Variants in SSH2 observed in about 807,000 individuals in gnomAD.
The protein encoded by SSH2 is slingshot protein phosphatase 2, also known as protein phosphatase Slingshot homolog 2.
In SSH2, 37 loss-of-function variants were observed where a neutral mutation model predicts 135.2. That is an observed-to-expected ratio of 0.27 (90% CI 0.21 to 0.36). SSH2 has a LOEUF of 0.36. Among genes scored for constraint, SSH2 ranks in the 10% least tolerant of loss-of-function variants. The pLI, the probability that SSH2 is intolerant of heterozygous loss-of-function variation, is 1.00. For missense variants in SSH2, 1,408 were observed against 1,765.3 expected (o/e 0.80, Z 3.63); for synonymous variants, 628 against 646.2 (o/e 0.97, Z 0.43).
intron 1 of SSH2, among the ~76,000 whole-genome samples, chr17:29,867,211 C>T (rs1235175129): frequency 6.6e-6 from 1 of 152,202 alleles, no homozygotes; most frequent in Admixed American, 6.5e-5. Flanking sequence ...CAAGGAGATA[C>T]TGCAAGGTTA....
intron 3 of SSH2, among the ~76,000 whole-genome samples, chr17:29,714,940 C>T (rs1474958129): frequency 1.3e-5 from 2 of 152,114 alleles, no homozygotes; most frequent in African/African-American, 2.4e-5. Flanking sequence ...AATCTCGGCT[C>T]ACTGCAACCT....
At chr17:29,652,721 C>T (rs144374470) in intron 12 of SSH2, among the ~76,000 whole-genome samples, 15 of 152,240 alleles carry the variant, frequency 9.9e-5, no homozygotes, top group East Asian at 1.9e-4. Flanking sequence ...TGCAATGGCA[C>T]GATCTTGGCT....
chr17:29,685,852 C>G (rs1267915403), intron 5 of SSH2, among the ~76,000 whole-genome samples: 1 of 139,954 alleles, frequency 7.1e-6, no homozygotes. Flanking sequence ...TTTTCTTTTT[C>G]TTTTTTTTTT....
chr17:29,899,318 A>C (rs912135979), intron 1 of SSH2, among the ~76,000 whole-genome samples: 1 of 152,162 alleles, frequency 6.6e-6, no homozygotes, highest in Non-Finnish European at 1.5e-5. Flanking sequence ...GTATTCAATT[A>C]GGAAAAGAGG....
intron 2 of SSH2, among the ~76,000 whole-genome samples, chr17:29,799,345 G>T (rs989065880): frequency 9.9e-5 from 15 of 152,164 alleles, no homozygotes; most frequent in African/African-American, 3.4e-4. Context: ...AACTTTACAA[G>T]ATAGTACCAA....
chr17:29,793,574 T>C (rs1230041989), intron 3 of SSH2: 1 of 196,896 alleles, frequency 5.1e-6, no homozygotes, highest in Non-Finnish European at 1.0e-5. Flanking sequence ...TTTAAACCAA[T>C]GTACCATTGA....
At chr17:29,848,988 G>C (rs1031502409) in intron 1 of SSH2, 59 bp from the exon 2 acceptor site, 8 of 1,164,210 alleles carry the variant, frequency 6.9e-6, no homozygotes, top group East Asian at 5.2e-5. Context: ...AAGCACGAGG[G>C]GAAAAGCAAG....
chr17:29,667,572 A>G (rs2037331569), intron 9 of SSH2, among the ~76,000 whole-genome samples: 1 of 152,180 alleles, frequency 6.6e-6, no homozygotes, highest in Non-Finnish European at 1.5e-5. Context: ...GAAGCTAACT[A>G]ACGCCTGATG....
chr17:29,785,490 CA>C (rs1279536548), intron 3 of SSH2, among the ~76,000 whole-genome samples: 26 of 114,834 alleles, frequency 2.3e-4, no homozygotes, highest in African/African-American at 6.2e-4. Flanking sequence ...ATTGGCGTTT[CA>C]TTTTTTTTTT....
chr17:29,818,098 A>G, intron 2 of SSH2, among the ~76,000 whole-genome samples: 1 of 152,100 alleles, frequency 6.6e-6, no homozygotes, highest in Non-Finnish European at 1.5e-5. Context: ...TCTCAAGATT[A>G]CTTATAATAC....
intron 2 of SSH2, among the ~76,000 whole-genome samples, chr17:29,835,287 A>G (rs977819706): frequency 2.0e-5 from 3 of 152,256 alleles, no homozygotes; most frequent in African/African-American, 7.2e-5. Flanking sequence ...AGGGCATTTC[A>G]GAAGAACTCT....
chr17:29,857,033 C>T (rs2065675374), intron 1 of SSH2, among the ~76,000 whole-genome samples: 1 of 151,886 alleles, frequency 6.6e-6, no homozygotes. Flanking sequence ...ACCCCTGGCC[C>T]CTCCCAAATC....
chr17:29,657,682 T>G (rs1446392069), intron 11 of SSH2, among the ~76,000 whole-genome samples: 1 of 144,642 alleles, frequency 6.9e-6, no homozygotes, highest in South Asian at 2.4e-4. Context: ...ACCATCCTCC[T>G]GCCTCAGCCT....
chr17:29,713,964 G>C (rs2039529222), intron 3 of SSH2, among the ~76,000 whole-genome samples: 1 of 152,172 alleles, frequency 6.6e-6, no homozygotes, highest in South Asian at 2.1e-4. Context: ...ACTGACAGTG[G>C]TGGAGAGTTT....
intron 2 of SSH2, among the ~76,000 whole-genome samples, chr17:29,825,325 T>C (rs1032028066): frequency 2.6e-4 from 40 of 152,232 alleles, no homozygotes; most frequent in African/African-American, 9.7e-4. Flanking sequence ...TATGCTATCC[T>C]TCATGTAAGC....
intron 4 of SSH2, among the ~76,000 whole-genome samples, chr17:29,701,404 C>CTT (rs55721735): frequency 1.8e-3 from 158 of 90,252 alleles, no homozygotes; most frequent in Non-Finnish European, 2.3e-3. Flanking sequence ...GTGCCTGGCT[C>CTT]TTTTTTTTTT....
chr17:29,822,067 A>T (rs1282818693), intron 2 of SSH2, among the ~76,000 whole-genome samples: 1 of 152,224 alleles, frequency 6.6e-6, no homozygotes, highest in Non-Finnish European at 1.5e-5. Context: ...GCCACACTTA[A>T]TATGATCACA....
At position 29,636,266 on chromosome 17, in the gene SSH2, T is replaced by A; in HGVS notation, c.1964A>T (p.Asp655Val). 6.2e-7 allele frequency: 1 copy of A among 1,614,078 alleles called. No homozygotes were observed. Among genetic ancestry groups the A allele is most frequent in the Admixed American group, 1.7e-5 (1 of 60,008 alleles). Reference sequence around the variant, plus strand: ...GGGTTGGGGGCTTGGTGACTCAGGATCAGGGGACATGGGGGGGTCTTTCAG... The same window carrying A: ...GGGTTGGGGGCTTGGTGACTCAGGAACAGGGGACATGGGGGGGTCTTTCAG... The part of the protein sequence containing the change: ...SPLKDPPMSP[D>V]PESPSPQPSC... The change falls in exon 15 of 16, where the codon GAT (aspartate) becomes GTT (valine). Residue 655 changes from aspartate (D) to valine (V), a missense_variant. Physicochemically the swap from Asp to Val is radical, Grantham distance 152. Transcript: ENST00000540801.
chr17:29,685,052 T>G (rs1337336727), intron 5 of SSH2, among the ~76,000 whole-genome samples: 1 of 152,210 alleles, frequency 6.6e-6, no homozygotes, highest in Admixed American at 6.5e-5. Context: ...GGTATATGAA[T>G]GTGAGCATTG....
Sources: allele counts gnomAD v4.1 joint callset (sites outside exome capture counted in the v4.1 genomes callset), GRCh38; gene constraint gnomAD v4.1.1; transcripts MANE v1.5; gene names NCBI Gene and HGNC (gene_info 2026-07-23, HGNC 2026-07-21).